The following PRKDC variants were observed in gnomAD, a reference collection of about 807,000 sequenced individuals.
The protein encoded by PRKDC is protein kinase, DNA-activated, catalytic subunit.
In PRKDC, 82 loss-of-function variants were observed where a neutral mutation model predicts 486.9. The observed-to-expected ratio is 0.17, with a 90% CI of 0.14 to 0.20. PRKDC has a LOEUF of 0.20. PRKDC is among the 10% of genes least tolerant of loss of function. PRKDC has a pLI of 1.00. For missense variants in PRKDC, 4,504 were observed against 5,038.2 expected, an observed-to-expected ratio of 0.89 and a Z score of 3.21; for synonymous variants, 1,895 against 1,837.0, an observed-to-expected ratio of 1.03 and a Z score of -0.81.
chr8:47,943,104 G>T, intron 10 of PRKDC, 105 bp downstream of exon 10: 2 of 1,322,802 alleles, frequency 1.5e-6, no homozygotes, highest in Non-Finnish European at 2.1e-6. Context: ...TACTACAGAA[G>T]CTACAGATCA....
At chr8:47,861,200 A>G (rs2088669232) in intron 44 of PRKDC, among the ~76,000 whole-genome samples, 1 of 152,214 alleles carries the variant, frequency 6.6e-6, no homozygotes, top group Non-Finnish European at 1.5e-5. Context: ...CCTCCATCTC[A>G]GCTCTGGTAC....
intron 11 of PRKDC, among the ~76,000 whole-genome samples, chr8:47,937,703 T>C (rs1371577488): frequency 6.6e-6 from 1 of 152,184 alleles, no homozygotes; most frequent in Non-Finnish European, 1.5e-5. Flanking sequence ...TGGGGATAGA[T>C]CACTGTGTAA....
At chr8:47,953,214 G>A (rs1181687956) in intron 7 of PRKDC, among the ~76,000 whole-genome samples, 1 of 152,142 alleles carries the variant, frequency 6.6e-6, no homozygotes, top group Admixed American at 6.5e-5. Context: ...AGGCTGAAGT[G>A]AAGAACTGCT....
At chr8:47,808,945 G>A (rs116418183) in intron 68 of PRKDC, among the ~76,000 whole-genome samples, 1 of 152,058 alleles carries the variant, frequency 6.6e-6, no homozygotes, top group African/African-American at 2.4e-5. Context: ...GATCGCCTGA[G>A]CTCAGGAATT....
chr8:47,827,162 ACACG>A (rs1424312571), intron 62 of PRKDC, among the ~76,000 whole-genome samples: 4 of 148,024 alleles, frequency 2.7e-5, no homozygotes, highest in South Asian at 2.2e-4. Flanking sequence ...ACACACACAC[ACACG>A]TAAATTAGAA....
intron 48 of PRKDC, among the ~76,000 whole-genome samples, chr8:47,857,990 C>T (rs1041081232): frequency 6.6e-6 from 1 of 152,136 alleles, no homozygotes; most frequent in African/African-American, 2.4e-5. Flanking sequence ...TGCAGACCTG[C>T]TTGGCTCACC....
Position 47,828,297 on chromosome 8 carries a change from A to T in PRKDC, c.8448T>A (p.Ile2816=). 2 of 1,604,482 alleles carry T rather than the reference A, an allele frequency of 1.2e-6. No individual in the cohort carries two copies. The part of the protein sequence containing the change: ...KQLFSSLFSG[I]LKEMDKFKTL... Reference sequence around the variant, plus strand: ...TCTTAAATTTATCCATCTCTTTCAAAATTCCAGAAAACAAGCTGCTAAAGA... The same window carrying T: ...TCTTAAATTTATCCATCTCTTTCAATATTCCAGAAAACAAGCTGCTAAAGA... Residue 2816 remains isoleucine (I), a synonymous_variant, in exon 62 of 86, where the codon ATT becomes ATA. Transcript: ENST00000314191.
chr8:47,790,311 C>T (rs2086863253), intron 74 of PRKDC, among the ~76,000 whole-genome samples: 1 of 152,022 alleles, frequency 6.6e-6, no homozygotes. Flanking sequence ...TTTACAATAG[C>T]CACAAATAAA....
chr8:47,862,649 G>A (rs900654008), intron 42 of PRKDC, 108 bp from the exon 43 acceptor site: 4 of 1,120,502 alleles, frequency 3.6e-6, no homozygotes, highest in South Asian at 3.5e-5. Flanking sequence ...TTTCTCGAGG[G>A]TCAGGCTTGT....
At chr8:47,890,733 T>C (rs1429170761) in intron 31 of PRKDC, among the ~76,000 whole-genome samples, 1 of 152,206 alleles carries the variant, frequency 6.6e-6, no homozygotes, top group Non-Finnish European at 1.5e-5. Flanking sequence ...AATATGCTCA[T>C]TTTAAAGGGC....
intron 29 of PRKDC, 47 bp downstream of exon 29, chr8:47,898,423 A>T: frequency 7.1e-7 from 1 of 1,403,260 alleles, no homozygotes; most frequent in East Asian, 2.5e-5. Context: ...GCTGTGAATT[A>T]GTTTTATGTT....
chr8:47,799,191 T>G lies in PRKDC; in HGVS notation c.10297+19A>C. 1.2e-6 allele frequency: 2 copies of G among 1,613,430 alleles called. No individual in the cohort carries two copies. Among genetic ancestry groups the G allele is most frequent in the Non-Finnish European group, 1.7e-6 (2 of 1,179,806 alleles). On this transcript the variant is annotated intron_variant, in intron 72 of 85. Coordinates refer to ENST00000314191, the MANE Select transcript of PRKDC (RefSeq NM_006904.7). Reference sequence around the variant, plus strand: ...TATGCTGACATAATGGAACACTAGCTTTTTAATTTTCAATTCACCTGATGC... The same window carrying G: ...TATGCTGACATAATGGAACACTAGCGTTTTAATTTTCAATTCACCTGATGC...
chr8:47,862,234 G>T, intron 43 of PRKDC, 107 bp from the exon 44 acceptor site: 1 of 1,340,076 alleles, frequency 7.5e-7, no homozygotes, highest in Non-Finnish European at 1.0e-6. Flanking sequence ...AAGCACTCCA[G>T]CTTTAAATAT....
chr8:47,869,558 G>A (rs2088898449), intron 40 of PRKDC, among the ~76,000 whole-genome samples: 1 of 151,834 alleles, frequency 6.6e-6, no homozygotes. Context: ...TAAGACCCAG[G>A]GCCACGCTGG....
At chr8:47,793,407 ATCACCTGAGG>A (rs1342267422) in intron 74 of PRKDC, among the ~76,000 whole-genome samples, 5 of 152,056 alleles carry the variant, frequency 3.3e-5, no homozygotes, top group East Asian at 1.9e-4. Context: ...AGGTGGGCGG[ATCACCTGAGG>A]TCACCTGAGG....
rs8178006 is a variant in PRKDC at position 47,944,074 on chromosome 8, T to C, written c.722-45A>G. 15 of 1,453,290 alleles carry C rather than the reference T, an allele frequency of 1.0e-5. No individual in the cohort carries two copies. The South Asian group carries it at 1.7e-4, about 17-fold the overall frequency. The allele number at this position is 1,453,290 out of a possible 1,614,324, so 90.0% of individuals were successfully genotyped here. Reference sequence around the variant, plus strand: ...CCTGTTACAAATCGTAATAACAGTATCACATAACACACTTTACAGACAGCT... The same window carrying C: ...CCTGTTACAAATCGTAATAACAGTACCACATAACACACTTTACAGACAGCT... On this transcript the variant is annotated intron_variant, in intron 7 of 85. Transcript: ENST00000314191.
At chr8:47,860,401 G>A (rs1589748923) in intron 45 of PRKDC, among the ~76,000 whole-genome samples, 1 of 152,326 alleles carries the variant, frequency 6.6e-6, no homozygotes, top group East Asian at 1.9e-4. Flanking sequence ...CAAGGCACAG[G>A]CAAGAGCCAT....
chr8:47,831,258 T>TCA (rs1563756743), intron 60 of PRKDC, among the ~76,000 whole-genome samples: 1 of 152,232 alleles, frequency 6.6e-6, no homozygotes, highest in South Asian at 2.1e-4. Flanking sequence ...TTCCAGGGCT[T>TCA]CACACCCAGA....
intron 10 of PRKDC, chr8:47,939,951 A>T: frequency 1.4e-5 from 2 of 142,008 alleles, no homozygotes; most frequent in East Asian, 1.8e-4. Flanking sequence ...CATAAGTCTG[A>T]AAAAAAAAAA....
Sources: allele counts gnomAD v4.1 joint callset (sites outside exome capture counted in the v4.1 genomes callset), GRCh38; gene constraint gnomAD v4.1.1; transcripts MANE v1.5; gene names NCBI Gene and HGNC (gene_info 2026-07-23, HGNC 2026-07-21).